The following SPIDR variants were observed in gnomAD, a reference collection of about 807,000 sequenced individuals.
SPIDR encodes the protein DNA repair-scaffolding protein.
In SPIDR, 93 loss-of-function variants were observed where a neutral mutation model predicts 104.6. The observed-to-expected ratio is 0.89, with a 90% confidence interval of 0.75 to 1.06. The LOEUF (loss-of-function observed/expected upper bound fraction) is 1.06. Ranked by LOEUF, SPIDR falls within the 50% of genes least tolerant of loss-of-function variation. The pLI is 0.00. For missense variants in SPIDR, 1,154 were observed against 1,111.2 expected, an observed-to-expected ratio of 1.04 and a Z score of -0.55; for synonymous variants, 431 against 416.9, an observed-to-expected ratio of 1.03 and a Z score of -0.41.
At chr8:47,670,233 G>T (rs2075614469) in intron 10 of SPIDR, among the ~76,000 whole-genome samples, 1 of 152,070 alleles carries the variant, frequency 6.6e-6, no homozygotes, top group Non-Finnish European at 1.5e-5. Context: ...TTTAGTTATG[G>T]AATGGAGAAG....
At chr8:47,289,576 A>G (rs1256739391) in intron 3 of SPIDR, among the ~76,000 whole-genome samples, 2 of 152,172 alleles carry the variant, frequency 1.3e-5, no homozygotes, top group Admixed American at 6.5e-5. Flanking sequence ...TTTTCCACCT[A>G]TCAGAATGGC....
intron 5 of SPIDR, among the ~76,000 whole-genome samples, chr8:47,384,987 T>A (rs781897810): frequency 1.3e-5 from 2 of 152,188 alleles, no homozygotes; most frequent in Non-Finnish European, 2.9e-5. Context: ...CATTTTGTTT[T>A]GTTTTGTTTC....
At chr8:47,659,976 A>G (rs937684449) in intron 10 of SPIDR, among the ~76,000 whole-genome samples, 1 of 152,180 alleles carries the variant, frequency 6.6e-6, no homozygotes, top group East Asian at 1.9e-4. Flanking sequence ...CTCTCAGCAC[A>G]TGCGTGCGCA....
chr8:47,532,536 TAAAG>T (rs1257150397), intron 8 of SPIDR, among the ~76,000 whole-genome samples: 1 of 152,100 alleles, frequency 6.6e-6, no homozygotes, highest in Non-Finnish European at 1.5e-5. Flanking sequence ...TTATCAAAGA[TAAAG>T]AGGGAGTATT....
intron 10 of SPIDR, among the ~76,000 whole-genome samples, chr8:47,646,774 G>A (rs771821468): frequency 6.6e-6 from 1 of 152,058 alleles, no homozygotes. Flanking sequence ...GATGGAGGAC[G>A]GGAGCTGGAC....
intron 8 of SPIDR, among the ~76,000 whole-genome samples, chr8:47,586,402 G>A (rs1316004464): frequency 6.6e-6 from 1 of 152,040 alleles, no homozygotes; most frequent in Non-Finnish European, 1.5e-5. Flanking sequence ...CCACATCCTT[G>A]CCAGCATTCA....
chr8:47,340,972 A>G (rs1177358779), intron 5 of SPIDR, among the ~76,000 whole-genome samples: 3 of 152,202 alleles, frequency 2.0e-5, no homozygotes, highest in African/African-American at 7.2e-5. Flanking sequence ...TTGTAAGTGT[A>G]GCACTTTTCC....
At chr8:47,452,372 A>G (rs1172438011) in intron 8 of SPIDR, among the ~76,000 whole-genome samples, 1 of 152,216 alleles carries the variant, frequency 6.6e-6, no homozygotes, top group African/African-American at 2.4e-5. Flanking sequence ...TGAGGCCAGC[A>G]TCATCCTGAT....
intron 14 of SPIDR, among the ~76,000 whole-genome samples, chr8:47,704,410 A>G (rs1047294205): frequency 1.3e-5 from 2 of 152,152 alleles, no homozygotes; most frequent in African/African-American, 4.8e-5. Flanking sequence ...GATACACACA[A>G]CCAAACCCTG....
At chr8:47,613,953 A>G (rs1172252794) in intron 10 of SPIDR, among the ~76,000 whole-genome samples, 1 of 152,134 alleles carries the variant, frequency 6.6e-6, no homozygotes, top group Non-Finnish European at 1.5e-5. Context: ...TGCTGCACCT[A>G]TCAACCCATC....
intron 19 of SPIDR, among the ~76,000 whole-genome samples, chr8:47,731,585 C>T (rs745347703): frequency 1.1e-4 from 16 of 152,258 alleles, no homozygotes; most frequent in Non-Finnish European, 1.6e-4. Flanking sequence ...GGAAAGTCAT[C>T]GTTACGCCAC....
intron 6 of SPIDR, among the ~76,000 whole-genome samples, chr8:47,402,857 G>A (rs1554664290): frequency 2.0e-5 from 3 of 152,194 alleles, no homozygotes; most frequent in Non-Finnish European, 4.4e-5. Context: ...ATTTTATGAG[G>A]CCAGCATCAT....
At chr8:47,312,898 A>G (rs1465795182) in intron 5 of SPIDR, among the ~76,000 whole-genome samples, 6 of 152,140 alleles carry the variant, frequency 3.9e-5, no homozygotes, top group Non-Finnish European at 5.9e-5. Context: ...TAATTTGTGT[A>G]TAAGGTGTAA....
intron 10 of SPIDR, among the ~76,000 whole-genome samples, chr8:47,664,062 A>G (rs2074523910): frequency 6.6e-6 from 1 of 152,202 alleles, no homozygotes; most frequent in Non-Finnish European, 1.5e-5. Context: ...CTCCTCCACC[A>G]TCCAAACTCA....
intron 8 of SPIDR, chr8:47,592,342 A>G (rs553907135): frequency 8.4e-7 from 1 of 1,196,028 alleles, no homozygotes; most frequent in African/African-American, 1.5e-5. Context: ...CAAAATATCG[A>G]AACATATTCT....
intron 5 of SPIDR, among the ~76,000 whole-genome samples, chr8:47,306,833 A>C (rs1209129934): frequency 1.3e-5 from 2 of 152,136 alleles, no homozygotes; most frequent in African/African-American, 4.8e-5. Context: ...TCATGTATTC[A>C]TATATAATGT....
At chr8:47,478,003 T>C (rs1363037275) in intron 8 of SPIDR, among the ~76,000 whole-genome samples, 1 of 151,972 alleles carries the variant, frequency 6.6e-6, no homozygotes, top group African/African-American at 2.4e-5. Flanking sequence ...AAGTGGAACA[T>C]GTGAAGGGGA....
rs1053321194 is a variant in SPIDR, at chr8:47,276,414, C to G, written c.34-3448C>G. On this transcript the variant is annotated intron_variant, in intron 1 of 19. Coordinates refer to ENST00000297423, the MANE Select transcript of SPIDR (RefSeq NM_001080394.4). ...TTACCAAGATCTTGAAAATATTTCT[C>G]TTTGTACATTACCCTGTAAGAACTT... Among the ~76,000 whole-genome samples the G allele has an allele frequency of 2.0e-5, 3 of 152,246 alleles. No homozygotes were observed. In the South Asian group the frequency reaches 6.2e-4, roughly 32 times the overall value.
chr8:47,617,128 A>C (rs1382262309), intron 10 of SPIDR, among the ~76,000 whole-genome samples: 1 of 152,206 alleles, frequency 6.6e-6, no homozygotes, highest in Non-Finnish European at 1.5e-5. Context: ...AAAGGTACAT[A>C]CTATCAACAT....
Sources: allele counts gnomAD v4.1 joint callset (sites outside exome capture counted in the v4.1 genomes callset), GRCh38; gene constraint gnomAD v4.1.1; transcripts MANE v1.5; gene names NCBI Gene and HGNC (gene_info 2026-07-23, HGNC 2026-07-21).